Variants in VPS13B observed in about 807,000 individuals in gnomAD.
VPS13B encodes the protein intermembrane lipid transfer protein VPS13B.
In VPS13B, 285 loss-of-function variants were observed where a neutral mutation model predicts 426.4. The observed-to-expected ratio is 0.67, with a 90% CI of 0.61 to 0.74. The LOEUF is 0.74. VPS13B is among the 30% of genes least tolerant of loss of function. The pLI, the probability that VPS13B is intolerant of heterozygous loss-of-function variation, is 0.00. For synonymous variants in VPS13B, 1,676 were observed against 1,676.4 expected (o/e 1.00, Z 0.01); for missense variants, 4,537 against 4,782.6 (o/e 0.95, Z 1.51).
intron 20 of VPS13B, among the ~76,000 whole-genome samples, chr8:99,388,360 G>A (rs1588319923): frequency 6.6e-6 from 1 of 151,920 alleles, no homozygotes; most frequent in African/African-American, 2.4e-5. Context: ...TTAATTATTG[G>A]TCATAATAGG....
rs190921096 is a variant in VPS13B, at chr8:99,689,274, T to C, written c.6047-10251T>C. On this transcript the variant is annotated intron_variant, in intron 35 of 61. Coordinates refer to ENST00000357162, the MANE Select transcript of VPS13B (RefSeq NM_152564.5). ...TATTTTTACCTCCTTCAGCATTCAG[T>C]TAGTACTTCCTGTAGATCAAACAGT... 1.4e-3 allele frequency among the ~76,000 whole-genome samples: 206 copies of C among 150,880 alleles called. 4 individuals are homozygous for C. Among genetic ancestry groups the C allele is most frequent in the Non-Finnish European group, 3.8e-4 (26 of 68,004 alleles).
In VPS13B at chr8:99,778,988, A is replaced by G; in HGVS notation, c.7736A>G (p.His2579Arg). The change falls in exon 42 of 62, where the codon CAT becomes CGT. Residue 2579 changes from histidine (H) to arginine (R), a missense_variant. This residue lies in a region of VPS13B where 4,311 missense variants were observed against 4,474.3 expected (regional missense o/e 0.96). Coordinates refer to ENST00000357162, the MANE Select transcript of VPS13B (RefSeq NM_152564.5). The stretch of plus-strand genomic sequence containing the variant: ...TCTGTATTTGTAAACCTTGGACAGC[A>G]TGTAGTCCATTCACTAAACACTGCA... ...VDSVFVNLGQ[H>R]VVHSLNTAIQ... 1 of 1,613,840 alleles carries G rather than the reference A, an allele frequency of 6.2e-7. No individual in the cohort carries two copies. Among genetic ancestry groups the G allele is most frequent in the Non-Finnish European group, 8.5e-7 (1 of 1,179,840 alleles).
At chr8:99,234,848 A>G (rs894147279) in intron 17 of VPS13B, among the ~76,000 whole-genome samples, 5 of 152,194 alleles carry the variant, frequency 3.3e-5, no homozygotes, top group Non-Finnish European at 2.9e-5. Flanking sequence ...ATTCACATTT[A>G]TAAGATTGAA....
chr8:99,402,736 A>G (rs1004327151), intron 21 of VPS13B, among the ~76,000 whole-genome samples: 1 of 152,220 alleles, frequency 6.6e-6, no homozygotes, highest in Admixed American at 6.5e-5. Flanking sequence ...TGAATATACT[A>G]ATAGAAGGAC....
intron 30 of VPS13B, among the ~76,000 whole-genome samples, chr8:99,532,896 A>G (rs1823002119): frequency 6.7e-6 from 1 of 150,112 alleles, no homozygotes; most frequent in African/African-American, 2.4e-5. Context: ...TTAATCTAAA[A>G]TGTATTTTAA....
At chr8:99,808,423 A>T (rs1588730730) in intron 43 of VPS13B, among the ~76,000 whole-genome samples, 1 of 151,238 alleles carries the variant, frequency 6.6e-6, no homozygotes, top group African/African-American at 2.4e-5. Context: ...GGCTGAGGCA[A>T]GAGAATCGCT....
At chr8:99,299,513 G>A (rs1820242808) in intron 19 of VPS13B, among the ~76,000 whole-genome samples, 1 of 152,004 alleles carries the variant, frequency 6.6e-6, no homozygotes, top group South Asian at 2.1e-4. Flanking sequence ...ATTTTTACCA[G>A]CAGATTAACT....
intron 25 of VPS13B, among the ~76,000 whole-genome samples, chr8:99,489,345 T>C (rs1820473280): frequency 6.6e-6 from 1 of 151,928 alleles, no homozygotes; most frequent in African/African-American, 2.4e-5. Context: ...GTTTTTTGTT[T>C]TGTTTTTTTT....
intron 17 of VPS13B, among the ~76,000 whole-genome samples, chr8:99,217,053 G>A (rs1243616016): frequency 6.6e-6 from 1 of 151,618 alleles, no homozygotes; most frequent in Admixed American, 6.6e-5. Context: ...AAAATGTTGT[G>A]TTTTCTGTTT....
At chr8:99,581,683 G>C (rs1265964122) in intron 33 of VPS13B, among the ~76,000 whole-genome samples, 1 of 152,132 alleles carries the variant, frequency 6.6e-6, no homozygotes, top group Non-Finnish European at 1.5e-5. Context: ...TTTTCTTTGA[G>C]AGTCATGTCA....
chr8:99,232,250 T>G (rs1282226474), intron 17 of VPS13B, among the ~76,000 whole-genome samples: 1 of 152,042 alleles, frequency 6.6e-6, no homozygotes, highest in African/African-American at 2.4e-5. Context: ...TATAGCAGTA[T>G]GCGAAAAACC....
At chr8:99,808,749 ATATG>A (rs1480171586) in intron 43 of VPS13B, among the ~76,000 whole-genome samples, 3 of 151,940 alleles carry the variant, frequency 2.0e-5, no homozygotes, top group African/African-American at 4.8e-5. Flanking sequence ...ATAAATATAA[ATATG>A]TATCAGGAGG....
chr8:99,308,598 G>T (rs1311670137), intron 19 of VPS13B, among the ~76,000 whole-genome samples: 1 of 152,078 alleles, frequency 6.6e-6, no homozygotes, highest in South Asian at 2.1e-4. Context: ...ATTTGGGTTG[G>T]TTCCAAGTCT....
chr8:99,418,515 C>CT (rs1554779655), intron 21 of VPS13B, among the ~76,000 whole-genome samples: 1 of 82,164 alleles, frequency 1.2e-5, no homozygotes, highest in Non-Finnish European at 2.5e-5. Context: ...TTCTTTCTTT[C>CT]CTTTCTTTCT....
chr8:99,036,690 A>G (rs1047068734), intron 2 of VPS13B, among the ~76,000 whole-genome samples: 1 of 152,048 alleles, frequency 6.6e-6, no homozygotes, highest in African/African-American at 2.4e-5. Context: ...AAACATTTGT[A>G]CTCTGAGAAC....
chr8:99,711,311 G>A (rs1832700402), intron 36 of VPS13B, among the ~76,000 whole-genome samples: 2 of 152,082 alleles, frequency 1.3e-5, no homozygotes, highest in African/African-American at 4.8e-5. Context: ...TAGGTATATG[G>A]CAAGAAAGAA....
intron 2 of VPS13B, among the ~76,000 whole-genome samples, chr8:99,025,761 T>C (rs1041952248): frequency 1.3e-5 from 2 of 152,156 alleles, no homozygotes; most frequent in African/African-American, 4.8e-5. Context: ...TCAGGTTTTC[T>C]GTTTCTTCTT....
In VPS13B at chr8:99,170,459, CT is replaced by C. The variant is rs201052260; in HGVS notation, c.2333+303del. On this transcript the variant is annotated intron_variant, in intron 16 of 61. Transcript: ENST00000357162. ...TAATAGGAACTGTAAGAGGAAGTGC[CT>C]TTTTTTCAAGAGTGGGTATAAAGAT... 6.2e-3 allele frequency among the ~76,000 whole-genome samples: 933 copies of C among 151,404 alleles called. 12 individuals carry two copies. Among genetic ancestry groups the C allele is most frequent in the African/African-American group, 0.02 (847 of 41,352 alleles).
chr8:99,789,063 C>T (rs74794621), intron 43 of VPS13B, among the ~76,000 whole-genome samples: 2,916 of 152,262 alleles, frequency 0.019, 99 homozygotes, highest in African/African-American at 0.067. Flanking sequence ...CTAATCAGTA[C>T]ATAACAGAAA....
Sources: gnomAD v4.1 joint callset for allele counts (sites outside exome capture counted in the v4.1 genomes callset) on GRCh38, gnomAD v4.1.1 for gene constraint, gnomAD v4.1.1 regional missense constraint, MANE v1.5 for transcripts, NCBI Gene and HGNC (gene_info 2026-07-23, HGNC 2026-07-21) for gene names.